SPOP: variants seen among roughly 807,000 people sequenced by gnomAD.
SPOP encodes speckle-type POZ protein.
In SPOP, 11 loss-of-function variants were observed where a neutral mutation model predicts 45.6. The ratio of observed to expected loss-of-function variants is 0.24; its 90% CI spans 0.15 to 0.40. SPOP has a LOEUF of 0.40. Ranked by LOEUF, SPOP falls within the 10% of genes least tolerant of loss-of-function variation. The pLI, the probability that SPOP is intolerant of heterozygous loss-of-function variation, is 1.00. For synonymous variants in SPOP, 166 were observed against 166.3 expected, an observed-to-expected ratio of 1.00 and a Z score of 0.01; for missense variants, 152 against 465.6, an observed-to-expected ratio of 0.33 and a Z score of 6.20.
chr17:49,636,394 C>A (rs1208422693), intron 1 of SPOP: 1 of 152,132 alleles, frequency 6.6e-6, no homozygotes, highest in Non-Finnish European at 1.5e-5. Context: ...ATTCAAATAT[C>A]ATTTCTCCCC....
intron 3 of SPOP, chr17:49,620,503 A>G (rs961022855): frequency 6.6e-6 from 1 of 151,366 alleles, no homozygotes; most frequent in Non-Finnish European, 1.5e-5. Context: ...ATAATCTTTT[A>G]TAGATAATAA....
At chr17:49,631,545 A>G (rs1254023293) in intron 1 of SPOP, among the ~76,000 whole-genome samples, 1 of 152,222 alleles carries the variant, frequency 6.6e-6, no homozygotes, top group Non-Finnish European at 1.5e-5. Flanking sequence ...AATTTTTCCA[A>G]GTTGTGAAGA....
At chr17:49,668,540 G>A (rs1174503105) in intron 1 of SPOP, among the ~76,000 whole-genome samples, 1 of 152,084 alleles carries the variant, frequency 6.6e-6, no homozygotes, top group Non-Finnish European at 1.5e-5. Context: ...CTCTAAGGAG[G>A]GAGGGAAGAA....
At chr17:49,671,710 G>T (rs2073138082) in intron 1 of SPOP, among the ~76,000 whole-genome samples, 1 of 152,134 alleles carries the variant, frequency 6.6e-6, no homozygotes, top group African/African-American at 2.4e-5. Flanking sequence ...TTTTTTAGTA[G>T]AAATTATAAT....
chr17:49,609,188 C>T (rs560379058), intron 6 of SPOP, among the ~76,000 whole-genome samples: 10 of 152,096 alleles, frequency 6.6e-5, no homozygotes, highest in Non-Finnish European at 1.0e-4. Flanking sequence ...GGATTATAGG[C>T]ATGAGCCACT....
At chr17:49,628,973 GTGGCTCACACCTGTAA>G (rs1189000842) in intron 1 of SPOP, among the ~76,000 whole-genome samples, 8 of 152,302 alleles carry the variant, frequency 5.3e-5, no homozygotes, top group Admixed American at 5.2e-4. Flanking sequence ...GCCAGGCGTG[GTGGCTCACACCTGTAA>G]TCCCAGTACT....
chr17:49,607,003 AG>A (rs1269424995), intron 8 of SPOP: 7 of 397,590 alleles, frequency 1.8e-5, no homozygotes, highest in Non-Finnish European at 3.1e-5. Context: ...GAGAGGTAGA[AG>A]TCAAACTTAT....
At chr17:49,631,040 G>A (rs2072441509) in intron 1 of SPOP, among the ~76,000 whole-genome samples, 1 of 152,198 alleles carries the variant, frequency 6.6e-6, no homozygotes, top group Non-Finnish European at 1.5e-5. Context: ...TTTCTGGTTG[G>A]TGTATAAATT....
At position 49,619,482 on chromosome 17, in the gene SPOP, G is replaced by A; in HGVS notation, c.201-97C>T. On this transcript the variant is annotated intron_variant, in intron 3 of 9. Coordinates refer to ENST00000504102, the MANE Select transcript of SPOP (RefSeq NM_001007228.2). The surrounding 1 kb of genome is among the most constrained non-coding windows in gnomAD (Gnocchi z 4.9). Reference sequence around the variant, plus strand: ...AGAGGGAGATGTTTAAAAAACAAATGCAGGCCCCATAGAAGAATATAATTC... The same window carrying A: ...AGAGGGAGATGTTTAAAAAACAAATACAGGCCCCATAGAAGAATATAATTC... 1.5e-6 allele frequency: 2 copies of A among 1,310,884 alleles called. No homozygotes were observed. Among genetic ancestry groups the A allele is most frequent in the South Asian group, 1.5e-5 (1 of 67,950 alleles). 81.2% of individuals were successfully genotyped at this position (1,310,884 alleles called of 1,614,324 possible).
intron 5 of SPOP, 109 bp downstream of exon 5, chr17:49,618,872 C>T (rs981559838): frequency 7.5e-7 from 1 of 1,329,018 alleles, no homozygotes; most frequent in Non-Finnish European, 1.0e-6. Flanking sequence ...TGCAGCACTA[C>T]TCCACTTGGG....
chr17:49,645,627 C>T (rs751124969), intron 1 of SPOP, among the ~76,000 whole-genome samples: 1 of 152,110 alleles, frequency 6.6e-6, no homozygotes, highest in Non-Finnish European at 1.5e-5. Flanking sequence ...ATAATGTCCA[C>T]AGTAATCTGA....
chr17:49,656,588 A>G (rs1208279742), intron 1 of SPOP, among the ~76,000 whole-genome samples: 1 of 152,208 alleles, frequency 6.6e-6, no homozygotes, highest in Non-Finnish European at 1.5e-5. Context: ...CGAAAGCCAG[A>G]AATGTTCTAC....
Position 49,600,588 on chromosome 17 carries a change from T to C in SPOP, c.981-66A>G. ...GCAAGGGATGAATTCAACAGCCACC[T>C]AGATAGCCTAATTTTCCACTGTTAG... On this transcript the variant is annotated intron_variant, in intron 9 of 9. Coordinates refer to ENST00000504102, the MANE Select transcript of SPOP (RefSeq NM_001007228.2). The surrounding 1 kb of genome is among the most constrained non-coding windows in gnomAD (Gnocchi z 4.2). 31 of 1,577,318 alleles carry C rather than the reference T, an allele frequency of 2.0e-5. No homozygotes were observed. The highest frequency in any genetic ancestry group is 2.7e-5 in the Non-Finnish European group (31 of 1,150,576).
rs901858792 is a variant in SPOP at position 49,606,011 on chromosome 17, CAAAT to C, written c.837+1235_837+1238del. ...TCTCAAAAAAAAAAAAATAAACAAA[CAAAT>C]AAATAGGCAGTATTTCCCTGTATCT... On this transcript the variant is annotated intron_variant, in intron 8 of 9. Transcript: ENST00000504102. Among the ~76,000 whole-genome samples the C allele has an allele frequency of 5.3e-5, 8 of 150,576 alleles. 1 individual carries two copies. In the East Asian group the frequency reaches 5.8e-4, roughly 11 times the overall value.
At chr17:49,642,031 A>C (rs1204499078) in intron 1 of SPOP, among the ~76,000 whole-genome samples, 1 of 151,872 alleles carries the variant, frequency 6.6e-6, no homozygotes, top group Non-Finnish European at 1.5e-5. Context: ...GCCTCAAAAA[A>C]AAAAAAGTGT....
chr17:49,640,095 C>CA (rs1222885722), intron 1 of SPOP, among the ~76,000 whole-genome samples: 2 of 151,208 alleles, frequency 1.3e-5, no homozygotes, highest in Non-Finnish European at 3.0e-5. Flanking sequence ...ACTAAAAATA[C>CA]AAAAAAAATT....
Position 49,607,243 on chromosome 17 carries a change from A to G in SPOP, c.837+7T>C, listed in dbSNP as rs2071870236. 6.2e-7 allele frequency: 1 copy of G among 1,614,040 alleles called. No homozygotes were observed. Among genetic ancestry groups the G allele is most frequent in the Non-Finnish European group, 8.5e-7 (1 of 1,179,966 alleles). The stretch of plus-strand genomic sequence containing the variant: ...TAGTCCTGATTATTTTTCTATTCTT[A>G]TCTTACCTTGTCAGCAGCTGCCAGC... On this transcript the variant is annotated splice_region_variant and intron_variant, in intron 8 of 9. Transcript: ENST00000504102.
intron 1 of SPOP, among the ~76,000 whole-genome samples, chr17:49,644,269 A>C (rs1225693111): frequency 3.3e-5 from 5 of 152,322 alleles, no homozygotes; most frequent in South Asian, 2.1e-4. Context: ...AGAATCCATA[A>C]GGAAAGAAAA....
At chr17:49,608,063 A>G (rs2071888520) in intron 6 of SPOP, 134 bp from the exon 7 acceptor site, 3 of 572,298 alleles carry the variant, frequency 5.2e-6, no homozygotes, top group Non-Finnish European at 8.8e-6. Context: ...AATTTACATC[A>G]GAATTACAAA....
Sources: allele counts gnomAD v4.1 joint callset (sites outside exome capture counted in the v4.1 genomes callset), GRCh38; gene constraint gnomAD v4.1.1; non-coding constraint Gnocchi (gnomAD v3.1); transcripts MANE v1.5; gene names NCBI Gene and HGNC (gene_info 2026-07-23, HGNC 2026-07-21).